C20orf96: variants seen among roughly 807,000 people sequenced by gnomAD.
The protein encoded by C20orf96 is uncharacterized protein C20orf96.
A neutral mutation model predicts 52.6 loss-of-function variants in C20orf96; 57 were observed. The observed-to-expected ratio is 1.08, with a 90% CI of 0.88 to 1.35. C20orf96 has a LOEUF of 1.35. Among genes scored for constraint, C20orf96 ranks in the 40% most tolerant of loss-of-function variants. The pLI is 0.00. For missense variants in C20orf96, 478 were observed against 443.6 expected (o/e 1.08, Z -0.70); for synonymous variants, 168 against 157.2 (o/e 1.07, Z -0.51).
chr20:271,058 G>C lies in C20orf96; in HGVS notation c.*149C>G. On this transcript the variant is annotated 3_prime_UTR_variant, in exon 11 of 11. Coordinates refer to ENST00000360321, the MANE Select transcript of C20orf96 (RefSeq NM_153269.3). ...AGGGGGGAAGAAGGGAGGGAGGGAG[G>C]GAGGGAAAGAAAGAGGGAGGAAGGG... 1.7e-6 allele frequency: 1 copy of C among 601,218 alleles called. No individual in the cohort carries two copies. Among genetic ancestry groups the C allele is most frequent in the Non-Finnish European group, 2.9e-6 (1 of 339,692 alleles). The allele number at this position is 601,218 out of a possible 1,614,324, so 37.2% of individuals were successfully genotyped here.
Position 278,358 on chromosome 20 carries a change from C to A in C20orf96, c.537G>T (p.Trp179Cys). ...LQQLKSELQE[W>C]EEKKKCKMSY... ...TCATCTTGCATTTCTTCTTTTCTTCCCACTCCTGAAGCTCAGATTTCAATT... is the reference window on the plus strand; with the variant it reads ...TCATCTTGCATTTCTTCTTTTCTTCACACTCCTGAAGCTCAGATTTCAATT... The change falls in exon 6 of 11, where the codon TGG (tryptophan) becomes TGT (cysteine). Residue 179 changes from tryptophan (W) to cysteine (C), a missense_variant. Physicochemically the swap from Trp to Cys is radical, Grantham distance 215. Coordinates refer to ENST00000360321, the MANE Select transcript of C20orf96 (RefSeq NM_153269.3). 1 of 1,613,948 alleles carries A rather than the reference C, an allele frequency of 6.2e-7. No homozygotes were observed. Among genetic ancestry groups the A allele is most frequent in the Non-Finnish European group, 8.5e-7 (1 of 1,179,888 alleles).
Position 276,810 on chromosome 20 carries a change from T to A in C20orf96, c.895A>T (p.Met299Leu). 1 of 1,613,400 alleles carries A rather than the reference T, an allele frequency of 6.2e-7. No individual in the cohort carries two copies. Among genetic ancestry groups the A allele is most frequent in the South Asian group, 1.1e-5 (1 of 90,854 alleles). Residue 299 changes from methionine to leucine, a missense_variant, in exon 9 of 11, where the codon ATG (methionine) becomes TTG (leucine). Met to Leu is a conservative substitution (Grantham distance 15). Transcript: ENST00000360321. ...MWESQDFLKC[M>L]QRFREIIDQF... ...CCACGCACTTCTCTGAACCTTTGCA[T>A]GCATTTCAGGAAGTCCTGGCTTTCC... is the stretch of plus-strand genomic sequence containing the variant.
rs535694032 is a variant in C20orf96 at position 287,359 on chromosome 20, C to T, written c.187+2200G>A. 2.4e-4 allele frequency among the ~76,000 whole-genome samples: 37 copies of T among 152,260 alleles called. 1 individual carries two copies. The East Asian group carries it at 6.7e-3, about 28-fold the overall frequency. On this transcript the variant is annotated intron_variant, in intron 3 of 10. Coordinates refer to ENST00000360321, the MANE Select transcript of C20orf96 (RefSeq NM_153269.3). Reference sequence around the variant, plus strand: ...CACTATTTTTTTATTTTAGCCATTTCGATAGGTGTGCAGTGATATCTCACT... The same window carrying T: ...CACTATTTTTTTATTTTAGCCATTTTGATAGGTGTGCAGTGATATCTCACT...
chr20:279,969 CAAT>C (rs558448180), intron 4 of C20orf96, among the ~76,000 whole-genome samples: 2 of 150,868 alleles, frequency 1.3e-5, no homozygotes, highest in South Asian at 2.1e-4. Context: ...ATTCCTGTCC[CAAT>C]AATAATAATA....
chr20:282,579 T>C (rs1001984647), intron 4 of C20orf96, among the ~76,000 whole-genome samples: 3 of 152,018 alleles, frequency 2.0e-5, no homozygotes, highest in Non-Finnish European at 4.4e-5. Context: ...AGGATAAAAA[T>C]AACAGAAATG....
Position 271,273 on chromosome 20 carries a change from G to C in C20orf96, c.1032-6C>G. 6.4e-7 allele frequency: 1 copy of C among 1,552,198 alleles called. No individual in the cohort carries two copies. Among genetic ancestry groups the C allele is most frequent in the Non-Finnish European group, 8.7e-7 (1 of 1,147,398 alleles). On this transcript the variant is annotated splice_polypyrimidine_tract_variant and splice_region_variant and intron_variant, in intron 10 of 10. Transcript: ENST00000360321. Reference sequence around the variant, plus strand: ...CATCCATGTCTGGGGTGCACCTGGTGGGAGGCAGCACAGAAGGCCATGAGA... The same window carrying C: ...CATCCATGTCTGGGGTGCACCTGGTCGGAGGCAGCACAGAAGGCCATGAGA...
chr20:273,899 AAGGAAGGGAGGG>A (rs1467264513), intron 10 of C20orf96, among the ~76,000 whole-genome samples: 67 of 59,062 alleles, frequency 1.1e-3, no homozygotes, highest in East Asian at 4.5e-3. Context: ...GGAAGAAAGG[AAGGAAGGGAGGG>A]AGGGAGGGAG....
chr20:278,616 G>A (rs970143511), intron 5 of C20orf96, among the ~76,000 whole-genome samples, 187 bp from the exon 6 acceptor site: 2 of 151,806 alleles, frequency 1.3e-5, no homozygotes, highest in African/African-American at 2.4e-5. Context: ...CATACAGATC[G>A]CTTGCTATTA....
In C20orf96 at chr20:271,178, G is replaced by A. The variant is rs1239390970; in HGVS notation, c.*29C>T. 2 of 1,541,492 alleles carry A rather than the reference G, an allele frequency of 1.3e-6. No individual in the cohort carries two copies. The highest frequency in any genetic ancestry group is 1.4e-5 in the African/African-American group (1 of 72,898). On this transcript the variant is annotated 3_prime_UTR_variant, in exon 11 of 11. Transcript: ENST00000360321. ...GCTCCAGGTGCTGGGAAGAGAGCAG[G>A]AGGGGAGGGCGGCCCATGGCACTGC...
chr20:279,326 G>A lies in C20orf96; in HGVS notation c.311C>T (p.Ser104Leu), dbSNP rs1018640095. 6.2e-7 allele frequency: 1 copy of A among 1,603,018 alleles called. No homozygotes were observed. Among genetic ancestry groups the A allele is most frequent in the South Asian group, 1.1e-5 (1 of 90,884 alleles). The change falls in exon 5 of 11, where the codon TCG becomes TTG. Residue 104 changes from serine (S) to leucine (L), a missense_variant. Coordinates refer to ENST00000360321, the MANE Select transcript of C20orf96 (RefSeq NM_153269.3). Reference protein sequence around the residue: ...MHAKIWLMKTSLRSGRAALRE... With the variant: ...MHAKIWLMKTLLRSGRAALRE... ...CAGAGCGGCCCTCCCGCTCCTGAGC[G>A]AGGTCTGCGGGCGGAGGGAAGAGCA...
At chr20:286,377 T>C (rs1187294969) in intron 3 of C20orf96, among the ~76,000 whole-genome samples, 3 of 151,304 alleles carry the variant, frequency 2.0e-5, no homozygotes, top group Non-Finnish European at 4.4e-5. Context: ...TTTAGCCAGG[T>C]GTGGTGGTGC....
At chr20:276,616 G>A (rs925672962) in intron 9 of C20orf96, 177 bp downstream of exon 9, 50 of 1,442,572 alleles carry the variant, frequency 3.5e-5, no homozygotes, top group Middle Eastern at 2.4e-4. Context: ...AGTGCCAATC[G>A]CCTTCCCAGA....
intron 3 of C20orf96, among the ~76,000 whole-genome samples, chr20:285,253 CCT>C (rs2012354289): frequency 6.6e-6 from 1 of 152,142 alleles, no homozygotes; most frequent in Admixed American, 6.5e-5. Flanking sequence ...TCTCAGAATC[CCT>C]GTTTCCTCTC....
intron 4 of C20orf96, among the ~76,000 whole-genome samples, chr20:281,086 A>T (rs2012242497): frequency 6.6e-6 from 1 of 152,070 alleles, no homozygotes; most frequent in Admixed American, 6.6e-5. Flanking sequence ...AGCCCAGAAG[A>T]TCGAGGCTGC....
At chr20:283,919 G>A (rs763684520) in intron 4 of C20orf96, 44 bp downstream of exon 4, 29 of 1,366,670 alleles carry the variant, frequency 2.1e-5, no homozygotes, top group South Asian at 4.7e-5. Flanking sequence ...CATCATCCCC[G>A]TCCCTGTCCT....
Position 289,636 on chromosome 20 carries a change from G to A in C20orf96, c.110C>T (p.Pro37Leu). Residue 37 changes from proline (P) to leucine (L), a missense_variant, in exon 3 of 11, where the codon CCA becomes CTA. Physicochemically the swap from Pro to Leu is moderately conservative, Grantham distance 98. Coordinates refer to ENST00000360321, the MANE Select transcript of C20orf96 (RefSeq NM_153269.3). ...PWQQSKQETKPSTLPPVQQAN... is the reference protein window; with the variant it reads ...PWQQSKQETKLSTLPPVQQAN... ...TTGTTGGACTGGAGGCAGAGTAGATGGCTTGGTTTCCTGCTTGGACTGCTG... is the reference window on the plus strand; with the variant it reads ...TTGTTGGACTGGAGGCAGAGTAGATAGCTTGGTTTCCTGCTTGGACTGCTG... 1 of 1,614,032 alleles carries A rather than the reference G, an allele frequency of 6.2e-7. No individual in the cohort carries two copies. Among genetic ancestry groups the A allele is most frequent in the Non-Finnish European group, 8.5e-7 (1 of 1,179,964 alleles).
intron 3 of C20orf96, among the ~76,000 whole-genome samples, chr20:287,083 T>C (rs1408297673): frequency 6.6e-6 from 1 of 152,240 alleles, no homozygotes; most frequent in African/African-American, 2.4e-5. Flanking sequence ...TTCAAGGTTG[T>C]TTCCAGTTTT....
At position 276,789 on chromosome 20, in the gene C20orf96, G is replaced by A. The variant is rs766650088; in HGVS notation, c.912+4C>T. 5.0e-5 allele frequency: 80 copies of A among 1,611,514 alleles called. No homozygotes were observed. The highest frequency in any genetic ancestry group is 3.3e-4 in the Middle Eastern group (2 of 6,082). The stretch of plus-strand genomic sequence containing the variant: ...AGGGACCACCACCTTCCTTGCCCAC[G>A]CACTTCTCTGAACCTTTGCATGCAT... On this transcript the variant is annotated splice_donor_region_variant and intron_variant, in intron 9 of 10. Coordinates refer to ENST00000360321, the MANE Select transcript of C20orf96 (RefSeq NM_153269.3).
intron 3 of C20orf96, among the ~76,000 whole-genome samples, chr20:286,127 G>A (rs73572440): frequency 6.6e-6 from 1 of 152,080 alleles, no homozygotes; most frequent in Non-Finnish European, 1.5e-5. Context: ...TAATAATGAG[G>A]ATTTATTTTC....
Sources: gnomAD v4.1 joint callset for allele counts (sites outside exome capture counted in the v4.1 genomes callset) on GRCh38, gnomAD v4.1.1 for gene constraint, MANE v1.5 for transcripts, NCBI Gene and HGNC (gene_info 2026-07-23, HGNC 2026-07-21) for gene names.